The following DPP10 variants were observed in gnomAD, a reference collection of about 807,000 sequenced individuals.
DPP10 encodes dipeptidyl peptidase like 10, also known as inactive dipeptidyl peptidase 10.
Under a neutral mutation model 120.9 loss-of-function variants are expected in DPP10, and 33 were observed. The ratio of observed to expected loss-of-function variants is 0.27; its 90% CI spans 0.21 to 0.37. The LOEUF (loss-of-function observed/expected upper bound fraction) is 0.37, where lower values mean the gene tolerates loss of function less well. DPP10 is among the 10% of genes least tolerant of loss of function. The pLI, the probability that DPP10 is intolerant of heterozygous loss-of-function variation, is 1.00. For synonymous variants in DPP10, 337 were observed against 326.1 expected (o/e 1.03, Z -0.36); for missense variants, 816 against 942.8 (o/e 0.87, Z 1.76).
At position 115,729,142 on chromosome 2, in the gene DPP10, A is replaced by G. The variant is rs2092837320; in HGVS notation, c.697+1206A>G. Among the ~76,000 whole-genome samples the G allele has an allele frequency of 2.0e-5, 3 of 152,192 alleles. No individual in the cohort carries two copies. The South Asian group carries it at 6.2e-4, about 31-fold the overall frequency. On this transcript the variant is annotated intron_variant, in intron 8 of 25. Coordinates refer to ENST00000410059, the MANE Select transcript of DPP10 (RefSeq NM_020868.6). Reference sequence around the variant, plus strand: ...ACAGGTAAGGAGTGTTCATTGGTTGAGAGTTACAGAATCTAAATCTGGCTT... The same window carrying G: ...ACAGGTAAGGAGTGTTCATTGGTTGGGAGTTACAGAATCTAAATCTGGCTT...
chr2:115,434,356 A>G (rs2071281634), intron 3 of DPP10, among the ~76,000 whole-genome samples: 1 of 151,892 alleles, frequency 6.6e-6, no homozygotes. Flanking sequence ...AGTTGACTGA[A>G]CACTTGCTTT....
intron 13 of DPP10, among the ~76,000 whole-genome samples, chr2:115,772,436 G>A (rs1364481068): frequency 6.6e-6 from 1 of 152,048 alleles, no homozygotes. Context: ...ATCACTTTCA[G>A]TATGAATATA....
chr2:114,606,342 G>A (rs1465856014), intron 1 of DPP10, among the ~76,000 whole-genome samples: 1 of 152,038 alleles, frequency 6.6e-6, no homozygotes, highest in Non-Finnish European at 1.5e-5. Flanking sequence ...GATCTTTCCA[G>A]CCCTTTCCTG....
chr2:114,990,500 T>C (rs1307855829), intron 1 of DPP10, among the ~76,000 whole-genome samples: 2 of 152,218 alleles, frequency 1.3e-5, no homozygotes, highest in African/African-American at 2.4e-5. Context: ...GATTCCTTTT[T>C]TTCCATGTTA....
intron 5 of DPP10, among the ~76,000 whole-genome samples, chr2:115,547,312 T>G (rs1192072652): frequency 6.6e-6 from 1 of 152,196 alleles, no homozygotes; most frequent in Admixed American, 6.5e-5. Context: ...ACTAAAACCT[T>G]TTTTTATGAA....
At chr2:115,034,130 C>G (rs560780975) in intron 1 of DPP10, among the ~76,000 whole-genome samples, 6 of 151,694 alleles carry the variant, frequency 4.0e-5, no homozygotes, top group African/African-American at 1.5e-4. Context: ...CTTTTGACCT[C>G]GTGATCTGCC....
intron 1 of DPP10, among the ~76,000 whole-genome samples, chr2:115,111,988 G>A (rs1266954887): frequency 6.6e-6 from 1 of 152,170 alleles, no homozygotes; most frequent in Non-Finnish European, 1.5e-5. Context: ...GGAAGATTGA[G>A]GAAAGTTTCC....
At chr2:114,677,778 T>C (rs773563594) in intron 1 of DPP10, among the ~76,000 whole-genome samples, 3 of 152,146 alleles carry the variant, frequency 2.0e-5, no homozygotes, top group Non-Finnish European at 4.4e-5. Flanking sequence ...TGTGCTAAAA[T>C]AGATGTTTTT....
intron 1 of DPP10, among the ~76,000 whole-genome samples, chr2:115,199,743 A>G (rs1199263986): frequency 6.6e-6 from 1 of 152,194 alleles, no homozygotes; most frequent in Non-Finnish European, 1.5e-5. Context: ...TTAAAAAGAT[A>G]GGCATTGTAT....
chr2:115,471,404 T>G (rs903665591), intron 3 of DPP10, among the ~76,000 whole-genome samples: 1 of 152,128 alleles, frequency 6.6e-6, no homozygotes, highest in Non-Finnish European at 1.5e-5. Context: ...GTTAATCTTA[T>G]AGGAATACCT....
chr2:114,777,675 C>G (rs1681884812), intron 1 of DPP10, among the ~76,000 whole-genome samples: 1 of 152,002 alleles, frequency 6.6e-6, no homozygotes, highest in Non-Finnish European at 1.5e-5. Flanking sequence ...ATCCTCATCT[C>G]AAAGCTTCTA....
intron 19 of DPP10, among the ~76,000 whole-genome samples, chr2:115,810,076 T>C (rs923961451): frequency 6.6e-5 from 10 of 151,918 alleles, no homozygotes; most frequent in Middle Eastern, 6.8e-3. Context: ...GGCAGGAGAA[T>C]TGCTGAACCC....
intron 1 of DPP10, among the ~76,000 whole-genome samples, chr2:114,992,574 A>G (rs1381904108): frequency 6.6e-6 from 1 of 152,198 alleles, no homozygotes; most frequent in African/African-American, 2.4e-5. Context: ...CCAAAGAACC[A>G]TAATTAAGAC....
intron 1 of DPP10, among the ~76,000 whole-genome samples, chr2:114,557,326 C>G (rs1688406105): frequency 6.6e-6 from 1 of 151,978 alleles, no homozygotes; most frequent in Admixed American, 6.6e-5. Flanking sequence ...CCTGACAGCC[C>G]CAGATGATCC....
intron 1 of DPP10, among the ~76,000 whole-genome samples, chr2:115,099,733 T>C (rs1486035127): frequency 6.6e-6 from 1 of 152,190 alleles, no homozygotes; most frequent in Admixed American, 6.5e-5. Flanking sequence ...TGCTGTCTCC[T>C]GGAGGATGGG....
intron 2 of DPP10, among the ~76,000 whole-genome samples, chr2:115,319,399 T>G (rs866072242): frequency 2.0e-5 from 3 of 152,196 alleles, no homozygotes; most frequent in Admixed American, 6.5e-5. Flanking sequence ...AAAATAATTT[T>G]TAACCTCACA....
chr2:114,767,335 A>T (rs1680825153), intron 1 of DPP10, among the ~76,000 whole-genome samples: 1 of 148,746 alleles, frequency 6.7e-6, no homozygotes, highest in African/African-American at 2.4e-5. Flanking sequence ...ATAATATGAA[A>T]GTGGTGCTAA....
intron 1 of DPP10, among the ~76,000 whole-genome samples, chr2:114,969,655 T>G (rs1420743640): frequency 1.3e-5 from 2 of 152,096 alleles, no homozygotes; most frequent in African/African-American, 4.8e-5. Context: ...TAGCTATGTG[T>G]GATGATGTGA....
intron 1 of DPP10, among the ~76,000 whole-genome samples, chr2:114,526,870 A>G (rs1178502415): frequency 6.6e-6 from 1 of 152,170 alleles, no homozygotes; most frequent in Admixed American, 6.5e-5. Context: ...ACAAATATTT[A>G]GTTAATTACA....
Sources: allele counts gnomAD v4.1 joint callset (sites outside exome capture counted in the v4.1 genomes callset), GRCh38; gene constraint gnomAD v4.1.1; transcripts MANE v1.5; gene names NCBI Gene and HGNC (gene_info 2026-07-23, HGNC 2026-07-21).